The following ARFIP1 variants were observed in gnomAD, a reference collection of about 807,000 sequenced individuals.
The protein encoded by ARFIP1 is arfaptin-1.
A neutral mutation model predicts 42.5 loss-of-function variants in ARFIP1; 24 were observed. That is an observed-to-expected ratio of 0.57 (90% confidence interval 0.41 to 0.80). ARFIP1 has a LOEUF of 0.80. Among genes scored for constraint, ARFIP1 ranks in the 30% least tolerant of loss-of-function variants. The pLI is 0.00. For missense variants in ARFIP1, 354 were observed against 434.0 expected (o/e 0.82, Z 1.64); for synonymous variants, 141 against 153.7 (o/e 0.92, Z 0.61).
At chr4:152,888,466 A>G (rs948217935) in intron 8 of ARFIP1, among the ~76,000 whole-genome samples, 159 bp downstream of exon 8, 5 of 152,118 alleles carry the variant, frequency 3.3e-5, no homozygotes, top group African/African-American at 1.2e-4. Flanking sequence ...TACAAAATAT[A>G]TTTACCTTTC....
At chr4:152,834,565 T>G (rs995245314) in intron 2 of ARFIP1, among the ~76,000 whole-genome samples, 2 of 152,138 alleles carry the variant, frequency 1.3e-5, no homozygotes, top group South Asian at 2.1e-4. Flanking sequence ...GGGAAATCAT[T>G]AAATCTTAAA....
chr4:152,854,005 C>T (rs924516664), intron 2 of ARFIP1, among the ~76,000 whole-genome samples: 3 of 150,738 alleles, frequency 2.0e-5, no homozygotes, highest in Non-Finnish European at 3.0e-5. Flanking sequence ...CTCCACCTCC[C>T]GAGTTCAAGC....
At chr4:152,800,791 A>C (rs1487133004) in intron 1 of ARFIP1, among the ~76,000 whole-genome samples, 1 of 152,184 alleles carries the variant, frequency 6.6e-6, no homozygotes, top group Admixed American at 6.5e-5. Context: ...TGTTTAATAG[A>C]GGAAATTTAA....
At chr4:152,840,199 G>A (rs1187035335) in intron 2 of ARFIP1, among the ~76,000 whole-genome samples, 7 of 152,144 alleles carry the variant, frequency 4.6e-5, no homozygotes, top group Non-Finnish European at 2.9e-5. Context: ...ATTTCCACGC[G>A]CTGTTGAATA....
chr4:152,843,102 A>G (rs1175632849), intron 2 of ARFIP1, among the ~76,000 whole-genome samples: 1 of 152,022 alleles, frequency 6.6e-6, no homozygotes, highest in African/African-American at 2.4e-5. Context: ...TTTTTGTCCT[A>G]TGGGGTGTTC....
chr4:152,866,010 C>T (rs1025225675), intron 3 of ARFIP1, among the ~76,000 whole-genome samples: 2 of 151,480 alleles, frequency 1.3e-5, no homozygotes, highest in Admixed American at 1.3e-4. Flanking sequence ...GGCAGAGGAC[C>T]CTGCGGCCTT....
At chr4:152,851,090 T>C (rs1732940109) in intron 2 of ARFIP1, among the ~76,000 whole-genome samples, 1 of 152,370 alleles carries the variant, frequency 6.6e-6, no homozygotes, top group Non-Finnish European at 1.5e-5. Context: ...TTGTCCCTTT[T>C]GAAGCATGAG....
At chr4:152,905,710 G>A (rs960313532) in intron 8 of ARFIP1, among the ~76,000 whole-genome samples, 2 of 151,414 alleles carry the variant, frequency 1.3e-5, no homozygotes, top group Admixed American at 6.6e-5. Flanking sequence ...CTGCTACCAT[G>A]CCTGGCTAAT....
intron 8 of ARFIP1, among the ~76,000 whole-genome samples, chr4:152,906,852 T>C (rs934892999): frequency 6.6e-6 from 1 of 152,222 alleles, no homozygotes; most frequent in African/African-American, 2.4e-5. Flanking sequence ...CCAAGCACAC[T>C]GCCTACCTCA....
Position 152,870,743 on chromosome 4 carries a change from A to G in ARFIP1, c.203-10A>G. On this transcript the variant is annotated splice_polypyrimidine_tract_variant and intron_variant, in intron 3 of 8. Transcript: ENST00000353617. The stretch of plus-strand genomic sequence containing the variant: ...AAGGATTTTCACAGTTAAAATGTCT[A>G]CCTTTTCAGGTTCCCCAGCACCGCC... 6.2e-7 allele frequency: 1 copy of G among 1,605,632 alleles called. No homozygotes were observed. The highest frequency in any genetic ancestry group is 8.5e-7 in the Non-Finnish European group (1 of 1,172,342).
rs554490882 is a variant in ARFIP1, at chr4:152,865,628, T to C, written c.202+1914T>C. ...TCATTTTTTTCTCTTTTCATACTTA[T>C]GTTTAGAAAAATAAAGGGAGCAATC... On this transcript the variant is annotated intron_variant, in intron 3 of 8. Coordinates refer to ENST00000353617, the MANE Select transcript of ARFIP1 (RefSeq NM_001025595.3). Among the ~76,000 whole-genome samples the C allele has an allele frequency of 1.7e-3, 266 of 152,314 alleles. 1 individual carries two copies. The highest frequency in any genetic ancestry group is 3.4e-3 in the Middle Eastern group (1 of 294).
intron 8 of ARFIP1, among the ~76,000 whole-genome samples, chr4:152,901,326 G>A (rs1317622117): frequency 6.6e-6 from 1 of 152,116 alleles, no homozygotes; most frequent in Non-Finnish European, 1.5e-5. Flanking sequence ...TTTCGGTGTA[G>A]TCCACTTGGC....
chr4:152,796,226 G>C, intron 1 of ARFIP1: 1 of 871,234 alleles, frequency 1.1e-6, no homozygotes, highest in Non-Finnish European at 1.9e-6. Flanking sequence ...TGTATACAGC[G>C]GGAATGACGG....
intron 5 of ARFIP1, among the ~76,000 whole-genome samples, 168 bp downstream of exon 5, chr4:152,872,732 T>C (rs922031728): frequency 6.6e-6 from 1 of 152,192 alleles, no homozygotes; most frequent in East Asian, 1.9e-4. Flanking sequence ...TCATTGATCT[T>C]TGCATGTAAT....
At chr4:152,858,344 C>T (rs1429782943) in intron 2 of ARFIP1, among the ~76,000 whole-genome samples, 1 of 152,168 alleles carries the variant, frequency 6.6e-6, no homozygotes, top group Non-Finnish European at 1.5e-5. Context: ...ATAGCTCAGG[C>T]AGTACTTCCT....
intron 2 of ARFIP1, among the ~76,000 whole-genome samples, chr4:152,857,878 C>A (rs1318004235): frequency 1.3e-5 from 2 of 152,216 alleles, no homozygotes; most frequent in Non-Finnish European, 2.9e-5. Flanking sequence ...CCCCACCCCC[C>A]AGAACATCAG....
At chr4:152,849,667 G>A (rs2149864453) in intron 2 of ARFIP1, among the ~76,000 whole-genome samples, 1 of 152,200 alleles carries the variant, frequency 6.6e-6, no homozygotes, top group African/African-American at 2.4e-5. Flanking sequence ...TGTGTCTGTG[G>A]CAGGCAGGTG....
rs142219628 is a variant in ARFIP1, at chr4:152,870,810, G to A, written c.260G>A (p.Arg87Gln). The change falls in exon 4 of 9, where the codon CGA becomes CAA. Residue 87 changes from arginine (R) to glutamine (Q), a missense_variant. By Grantham distance (43) the Arg-to-Gln change is conservative. Transcript: ENST00000353617. ...VMSPSRVAAS[R>Q]LAQQGSDLIV... The stretch of plus-strand genomic sequence containing the variant: ...TCTCCTAGCAGGGTTGCAGCTAGTC[G>A]ACTGGCTCAGCAAGGAAGTGATTTA... 1.5e-5 allele frequency: 24 copies of A among 1,613,874 alleles called. No individual in the cohort carries two copies. The highest frequency in any genetic ancestry group is 5.0e-5 in the Admixed American group (3 of 59,992).
At chr4:152,890,329 T>A (rs1229594528) in intron 8 of ARFIP1, among the ~76,000 whole-genome samples, 1 of 152,124 alleles carries the variant, frequency 6.6e-6, no homozygotes, top group East Asian at 1.9e-4. Flanking sequence ...GAGACACTTT[T>A]CATTTATAGA....
Sources: allele counts gnomAD v4.1 joint callset (sites outside exome capture counted in the v4.1 genomes callset), GRCh38; gene constraint gnomAD v4.1.1; transcripts MANE v1.5; gene names NCBI Gene and HGNC (gene_info 2026-07-23, HGNC 2026-07-21).